The following SULF2 variants were observed in gnomAD, a reference collection of about 807,000 sequenced individuals.
SULF2 encodes the protein extracellular sulfatase Sulf-2.
A neutral mutation model predicts 107.7 loss-of-function variants in SULF2; 52 were observed. That is an observed-to-expected ratio of 0.48 (90% CI 0.39 to 0.61). SULF2 has a LOEUF of 0.61. SULF2 is among the 20% of genes least tolerant of loss of function. SULF2 has a pLI of 0.00. For synonymous variants in SULF2, 460 were observed against 464.3 expected (o/e 0.99, Z 0.12); for missense variants, 993 against 1,177.3 (o/e 0.84, Z 2.29).
chr20:47,704,782 C>G (rs2088676440), intron 3 of SULF2, among the ~76,000 whole-genome samples: 1 of 152,194 alleles, frequency 6.6e-6, no homozygotes, highest in Non-Finnish European at 1.5e-5. Flanking sequence ...TAACAGACAG[C>G]TCAGCGCTGG....
chr20:47,686,453 T>C (rs2088007182), intron 5 of SULF2, among the ~76,000 whole-genome samples: 1 of 152,212 alleles, frequency 6.6e-6, no homozygotes. Flanking sequence ...AACGTGGGCT[T>C]CCTCGCCCTG....
chr20:47,729,211 A>G (rs2146743180), intron 3 of SULF2, among the ~76,000 whole-genome samples: 1 of 152,352 alleles, frequency 6.6e-6, no homozygotes, highest in South Asian at 2.1e-4. Flanking sequence ...CTGCTTGAGA[A>G]GCTGTGGCTG....
chr20:47,732,879 G>C (rs1349051349), intron 3 of SULF2, among the ~76,000 whole-genome samples: 1 of 151,992 alleles, frequency 6.6e-6, no homozygotes, highest in African/African-American at 2.4e-5. Context: ...CAAAAAACCT[G>C]AGGATGCAAT....
chr20:47,780,560 A>T (rs2090812338), intron 1 of SULF2, among the ~76,000 whole-genome samples: 1 of 151,160 alleles, frequency 6.6e-6, no homozygotes, highest in South Asian at 2.1e-4. Flanking sequence ...TTTTTCTTTT[A>T]AATTTTTTTT....
At chr20:47,737,073 C>T (rs943317275) in intron 2 of SULF2, 131 bp from the exon 3 acceptor site, 188 of 1,347,160 alleles carry the variant, frequency 1.4e-4, no homozygotes, top group Middle Eastern at 2.5e-4. Flanking sequence ...GCAGACGGGG[C>T]AGGGGCCACT....
At chr20:47,735,433 A>G (rs1040067158) in intron 3 of SULF2, among the ~76,000 whole-genome samples, 2 of 152,340 alleles carry the variant, frequency 1.3e-5, no homozygotes, top group Non-Finnish European at 2.9e-5. Context: ...TCTTGAGTGC[A>G]TGGCTGTACT....
intron 11 of SULF2, among the ~76,000 whole-genome samples, chr20:47,671,181 G>C (rs933257282): frequency 6.6e-6 from 1 of 152,242 alleles, no homozygotes; most frequent in Non-Finnish European, 1.5e-5. Context: ...CCTGCTCCCT[G>C]GCTTCTGTCT....
At chr20:47,772,083 TA>T (rs1292094133) in intron 1 of SULF2, among the ~76,000 whole-genome samples, 1 of 152,234 alleles carries the variant, frequency 6.6e-6, no homozygotes, top group East Asian at 1.9e-4. Context: ...AATGAATTTT[TA>T]AAAGTCTGGT....
rs1393703565 is a variant in SULF2, at chr20:47,666,447, C to T, written c.1618G>A (p.Val540Met). ...SYVRSRSIRS[V>M]AIEVDGRVYH... ...ACCCTGCCGTCCACCTCGATGGCCA[C>T]TGAGCGGATGGAGCGACTGCGGACA... is the stretch of plus-strand genomic sequence containing the variant. The change falls in exon 12 of 21, where the codon GTG (valine) becomes ATG (methionine). Residue 540 changes from valine to methionine, a missense_variant. Coordinates refer to ENST00000688720, the MANE Select transcript of SULF2 (RefSeq NM_001387048.1). The surrounding 1 kb of genome is among the most constrained non-coding windows in gnomAD (Gnocchi z 5.4). 49 of 1,613,680 alleles carry T rather than the reference C, an allele frequency of 3.0e-5. No individual in the cohort carries two copies. Among genetic ancestry groups the T allele is most frequent in the Non-Finnish European group, 3.9e-5 (46 of 1,180,052 alleles).
At chr20:47,695,095 A>G (rs1213773172) in intron 4 of SULF2, among the ~76,000 whole-genome samples, 2 of 152,248 alleles carry the variant, frequency 1.3e-5, no homozygotes, top group Non-Finnish European at 2.9e-5. Context: ...AGGGCCAGAC[A>G]GTAAATATTT....
At chr20:47,696,257 A>G (rs1477408254) in intron 4 of SULF2, among the ~76,000 whole-genome samples, 1 of 152,250 alleles carries the variant, frequency 6.6e-6, no homozygotes, top group Non-Finnish European at 1.5e-5. Flanking sequence ...TTTGTGTAAA[A>G]TGATTCAAAC....
At chr20:47,697,724 G>A (rs1440823741) in intron 4 of SULF2, among the ~76,000 whole-genome samples, 2 of 152,186 alleles carry the variant, frequency 1.3e-5, no homozygotes, top group African/African-American at 2.4e-5. Flanking sequence ...ATTCACAGGG[G>A]GAGATGTGTG....
rs1244137709 is a variant in SULF2 at position 47,700,274 on chromosome 20, A to AT, written c.567+2244dup. ...TTTGTAAACAAAGCTTCCTTAGAGC[A>AT]TGGCCATGCTTGTTTGTATATTATC... On this transcript the variant is annotated intron_variant, in intron 4 of 20. Transcript: ENST00000688720. 3.3e-5 allele frequency among the ~76,000 whole-genome samples: 5 copies of AT among 152,228 alleles called. 1 individual carries two copies. Among genetic ancestry groups the AT allele is most frequent in the Admixed American group, 3.3e-4 (5 of 15,282 alleles).
chr20:47,697,185 C>T (rs1256577576), intron 4 of SULF2, among the ~76,000 whole-genome samples: 1 of 152,232 alleles, frequency 6.6e-6, no homozygotes, highest in Admixed American at 6.5e-5. Flanking sequence ...TCCCTTCCCA[C>T]TAACAACTGT....
intron 11 of SULF2, among the ~76,000 whole-genome samples, chr20:47,667,063 T>G (rs1296252629): frequency 1.3e-5 from 2 of 152,170 alleles, no homozygotes; most frequent in Non-Finnish European, 2.9e-5. Flanking sequence ...GGTAGAGGTG[T>G]GCAACACTGT....
chr20:47,757,911 C>T (rs2090331572), intron 1 of SULF2, among the ~76,000 whole-genome samples: 1 of 152,142 alleles, frequency 6.6e-6, no homozygotes, highest in Non-Finnish European at 1.5e-5. Context: ...TCCAGCTCCC[C>T]AGCAGCGGGG....
At chr20:47,731,182 C>CTGTTTTTTTTTTTTTTTTTTT (rs2089592042) in intron 3 of SULF2, among the ~76,000 whole-genome samples, 1 of 99,596 alleles carries the variant, frequency 1.0e-5, no homozygotes, top group Non-Finnish European at 1.8e-5. Flanking sequence ...TCACCTGTAT[C>CTGTTTTTTTTTTTTTTTTTTT]TTCTCTTTTT....
chr20:47,751,586 G>A (rs1192628353), intron 2 of SULF2, among the ~76,000 whole-genome samples: 2 of 152,192 alleles, frequency 1.3e-5, no homozygotes, highest in South Asian at 2.1e-4. Flanking sequence ...TGAGAGTAAA[G>A]CCAACTTGGA....
intron 2 of SULF2, among the ~76,000 whole-genome samples, chr20:47,743,032 C>CTCCCAGACAAA (rs2053881894): frequency 6.6e-6 from 1 of 150,414 alleles, no homozygotes; most frequent in African/African-American, 2.5e-5. Context: ...CCCTGTACCC[C>CTCCCAGACAAA]TCCCAGACAA....
Sources: allele counts gnomAD v4.1 joint callset (sites outside exome capture counted in the v4.1 genomes callset), GRCh38; gene constraint gnomAD v4.1.1; non-coding constraint Gnocchi (gnomAD v3.1); transcripts MANE v1.5; gene names NCBI Gene and HGNC (gene_info 2026-07-23, HGNC 2026-07-21).